PPIB: variants seen among roughly 807,000 people sequenced by gnomAD.
PPIB encodes the protein peptidylprolyl isomerase B.
PPIB carries 15 observed loss-of-function variants against 20.1 expected under a neutral mutation model. That is an observed-to-expected ratio of 0.75 (90% CI 0.50 to 1.15). The LOEUF (loss-of-function observed/expected upper bound fraction) is 1.15. PPIB is among the 50% of genes most tolerant of loss of function. The pLI, the probability that PPIB is intolerant of heterozygous loss-of-function variation, is 0.00. For missense variants in PPIB, 278 were observed against 283.0 expected (o/e 0.98, Z 0.13); for synonymous variants, 129 against 111.0 (o/e 1.16, Z -1.02).
In PPIB at chr15:64,161,855, C is replaced by T. The variant is rs2081565288; in HGVS notation, c.249+186G>A. 6.6e-6 allele frequency among the ~76,000 whole-genome samples: 1 copy of T among 152,178 alleles called. No homozygotes were observed. The highest frequency in any genetic ancestry group is 6.5e-5 in the Admixed American group (1 of 15,278). On this transcript the variant is annotated intron_variant, in intron 2 of 4. Transcript: ENST00000300026. The surrounding 1 kb of genome is among the most constrained non-coding windows in gnomAD (Gnocchi z 4.2). ...AAGTGCTGGGATTTTAAGTGTGAGC[C>T]ACTGTGCCTGGTCAGGGCCCCATTA...
rs1206742711 is a variant in PPIB, at chr15:64,159,808, C to T, written c.343+296G>A. On this transcript the variant is annotated intron_variant, in intron 3 of 4. Transcript: ENST00000300026. This position sits in a 1 kb window ranked among gnomAD's most constrained non-coding sequence, Gnocchi z 5.1. Reference sequence around the variant, plus strand: ...GCTTCCACACGCCTCTCTCCCCAATCCCCATTCTGAAGAGGTATCAGGAAA... The same window carrying T: ...GCTTCCACACGCCTCTCTCCCCAATTCCCATTCTGAAGAGGTATCAGGAAA... 1.9e-6 allele frequency: 1 copy of T among 514,918 alleles called. No homozygotes were observed. The highest frequency in any genetic ancestry group is 3.6e-5 in the East Asian group (1 of 27,856). 31.9% of individuals were successfully genotyped at this position (514,918 alleles called of 1,614,324 possible). A position where few individuals can be genotyped will look rare whatever the true frequency, so the allele number is the denominator to read the frequency against.
intron 1 of PPIB, 84 bp from the exon 2 acceptor site, chr15:64,162,238 T>C (rs1278111516): frequency 2.1e-6 from 2 of 961,714 alleles, no homozygotes; most frequent in Non-Finnish European, 3.4e-6. Context: ...AACCTGAGGA[T>C]GGGAGAGAGA....
intron 1 of PPIB, 100 bp downstream of exon 1, chr15:64,162,752 C>A: frequency 1.3e-6 from 2 of 1,539,488 alleles, no homozygotes; most frequent in Non-Finnish European, 1.8e-6. Context: ...CGCCACGAGG[C>A]CACAGACAGA....
rs867931437 is a variant in PPIB, at chr15:64,159,048, C to G, written c.343+1056G>C. Among the ~76,000 whole-genome samples the G allele has an allele frequency of 6.6e-6, 1 of 152,204 alleles. No individual in the cohort carries two copies. The highest frequency in any genetic ancestry group is 2.4e-5 in the African/African-American group (1 of 41,454). ...AACAAGAAGGTGGCAGACACTGGAT[C>G]GAGCCCAACTGCGTCTGACTCCACA... On this transcript the variant is annotated intron_variant, in intron 3 of 4. Coordinates refer to ENST00000300026, the MANE Select transcript of PPIB (RefSeq NM_000942.5). The surrounding 1 kb of genome is among the most constrained non-coding windows in gnomAD (Gnocchi z 5.1).
chr15:64,159,825 A>G lies in PPIB; in HGVS notation c.343+279T>C, dbSNP rs2081555635. 1.9e-6 allele frequency: 1 copy of G among 539,628 alleles called. No individual in the cohort carries two copies. The highest frequency in any genetic ancestry group is 3.1e-5 in the Admixed American group (1 of 32,086). 33.4% of individuals were successfully genotyped at this position (539,628 alleles called of 1,614,324 possible). On this transcript the variant is annotated intron_variant, in intron 3 of 4. Coordinates refer to ENST00000300026, the MANE Select transcript of PPIB (RefSeq NM_000942.5). The surrounding 1 kb of genome is among the most constrained non-coding windows in gnomAD (Gnocchi z 5.1). Reference sequence around the variant, plus strand: ...TCCCCAATCCCCATTCTGAAGAGGTATCAGGAAAGGTCACCAGGCTATAGG... The same window carrying G: ...TCCCCAATCCCCATTCTGAAGAGGTGTCAGGAAAGGTCACCAGGCTATAGG...
Position 64,156,384 on chromosome 15 carries a change from G to A in PPIB, c.529-239C>T. ...AGACCCAGGTTGGGCCAAGGGTGAG[G>A]AGGAGGAAGAGGGTGACCAGGGCAT... On this transcript the variant is annotated intron_variant, in intron 4 of 4. Coordinates refer to ENST00000300026, the MANE Select transcript of PPIB (RefSeq NM_000942.5). This position sits in a 1 kb window ranked among gnomAD's most constrained non-coding sequence, Gnocchi z 6.4. 1.6e-6 allele frequency: 1 copy of A among 644,750 alleles called. No individual in the cohort carries two copies. Among genetic ancestry groups the A allele is most frequent in the Non-Finnish European group, 2.7e-6 (1 of 364,104 alleles). 39.9% of individuals were successfully genotyped at this position (644,750 alleles called of 1,614,324 possible).
In PPIB at chr15:64,155,853, G is replaced by A; in HGVS notation, c.*170C>T. The A allele has an allele frequency of 1.1e-6, 1 of 933,558 alleles. No homozygotes were observed. Among genetic ancestry groups the A allele is most frequent in the South Asian group, 1.5e-5 (1 of 68,720 alleles). 57.8% of individuals were successfully genotyped at this position (933,558 alleles called of 1,614,324 possible). Reference sequence around the variant, plus strand: ...AAAAAACCCACATTTTTTTTTATTGGTCAGTGTTGGTAGGAGTTTGTTACA... The same window carrying A: ...AAAAAACCCACATTTTTTTTTATTGATCAGTGTTGGTAGGAGTTTGTTACA... On this transcript the variant is annotated 3_prime_UTR_variant, in exon 5 of 5. Transcript: ENST00000300026.
Position 64,157,058 on chromosome 15 carries a change from T to G in PPIB, c.344-149A>C, listed in dbSNP as rs1263229835. ...GGACATAAAAGCAGCGTCCTTCCTA[T>G]CTTCTGGCCTCAGAGCCAAGCCATG... On this transcript the variant is annotated intron_variant, in intron 3 of 4. Transcript: ENST00000300026. The surrounding 1 kb of genome is among the most constrained non-coding windows in gnomAD (Gnocchi z 4.2). The G allele has an allele frequency of 3.6e-6, 3 of 844,464 alleles. No homozygotes were observed. The highest frequency in any genetic ancestry group is 5.4e-6 in the Non-Finnish European group (3 of 552,848). The allele number at this position is 844,464 out of a possible 1,614,324, so 52.3% of individuals were successfully genotyped here.
In PPIB at chr15:64,163,012, G is replaced by A; in HGVS notation, c.-26C>T. The stretch of plus-strand genomic sequence containing the variant: ...CCACAGGCGGAGGCGAAAGCAGCCC[G>A]GACAGCTGAGGCCGGAAGAGGGTGG... On this transcript the variant is annotated 5_prime_UTR_variant, in exon 1 of 5. Coordinates refer to ENST00000300026, the MANE Select transcript of PPIB (RefSeq NM_000942.5). 6.2e-7 allele frequency: 1 copy of A among 1,610,098 alleles called. No individual in the cohort carries two copies. Among genetic ancestry groups the A allele is most frequent in the Non-Finnish European group, 8.5e-7 (1 of 1,178,856 alleles).
chr15:64,162,907 A>G lies in PPIB; in HGVS notation c.80T>C (p.Leu27Pro). 1.2e-6 allele frequency: 2 copies of G among 1,613,438 alleles called. No homozygotes were observed. Among genetic ancestry groups the G allele is most frequent in the East Asian group, 2.2e-5 (1 of 44,868 alleles). ...CTCATCGGCCGCAGAAGGTCCCGGC[A>G]GCAGCAGGAAGAAGACGGACCCCGC... is the stretch of plus-strand genomic sequence containing the variant. Reference protein sequence around the residue: ...LIAGSVFFLLLPGPSAADEKK... With the variant: ...LIAGSVFFLLPPGPSAADEKK... The change falls in exon 1 of 5, where the codon CTG (leucine) becomes CCG (proline). Residue 27 changes from leucine (L) to proline (P), a missense_variant. Leu to Pro is a moderately conservative substitution (Grantham distance 98). Transcript: ENST00000300026.
Position 64,162,849 on chromosome 15 carries a change from G to A in PPIB, c.135+3C>T. The A allele has an allele frequency of 6.2e-7, 1 of 1,610,462 alleles. No individual in the cohort carries two copies. Among genetic ancestry groups the A allele is most frequent in the South Asian group, 1.1e-5 (1 of 90,292 alleles). On this transcript the variant is annotated splice_donor_region_variant and intron_variant, in intron 1 of 4. Transcript: ENST00000300026. ...ACCGTAAATGCCGCGGACTCCACCG[G>A]ACCTTGACGGTGACTTTGGGCCCCT... is the stretch of plus-strand genomic sequence containing the variant.
rs1029606370 is a variant in PPIB, at chr15:64,162,210, G to T, written c.136-56C>A. 13 of 1,318,402 alleles carry T rather than the reference G, an allele frequency of 9.9e-6. No individual in the cohort carries two copies. The East Asian group carries it at 2.8e-4, about 28-fold the overall frequency. 81.7% of individuals were successfully genotyped at this position (1,318,402 alleles called of 1,614,324 possible). On this transcript the variant is annotated intron_variant, in intron 1 of 4. Transcript: ENST00000300026. ...TCTTTAAAGGGGCGTTGCTAGGGGA[G>T]GGAAGGTACAAGAAGCTAACCTGAG...
chr15:64,162,338 T>C (rs541458558), intron 1 of PPIB, among the ~76,000 whole-genome samples, 184 bp from the exon 2 acceptor site: 1 of 152,268 alleles, frequency 6.6e-6, no homozygotes, highest in East Asian at 1.9e-4. Context: ...TCCAGACCCT[T>C]TTCTTGGAAA....
chr15:64,160,288 CCTG>C lies in PPIB; in HGVS notation c.250-94_250-92del. The C allele has an allele frequency of 1.9e-6, 2 of 1,049,092 alleles. No individual in the cohort carries two copies. The highest frequency in any genetic ancestry group is 3.7e-5 in the Admixed American group (2 of 54,300). 65.0% of individuals were successfully genotyped at this position (1,049,092 alleles called of 1,614,324 possible). On this transcript the variant is annotated intron_variant, in intron 2 of 4. Transcript: ENST00000300026. This position sits in a 1 kb window ranked among gnomAD's most constrained non-coding sequence, Gnocchi z 4.8. ...GCCTCACAGGAACAAGTCCACAACT[CCTG>C]CTCGCAGAAGAGACACCACTGCTGA...
At position 64,156,991 on chromosome 15, in the gene PPIB, T is replaced by A; in HGVS notation, c.344-82A>T. 2 of 1,412,386 alleles carry A rather than the reference T, an allele frequency of 1.4e-6. No individual in the cohort carries two copies. The highest frequency in any genetic ancestry group is 2.0e-6 in the Non-Finnish European group (2 of 1,014,260). 87.5% of individuals were successfully genotyped at this position (1,412,386 alleles called of 1,614,324 possible). A position where few individuals can be genotyped will look rare whatever the true frequency, so the allele number is the denominator to read the frequency against. On this transcript the variant is annotated intron_variant, in intron 3 of 4. Transcript: ENST00000300026. This position sits in a 1 kb window ranked among gnomAD's most constrained non-coding sequence, Gnocchi z 6.4. ...ATTCGGGGCCAGGACTGAGGGGGCT[T>A]AACCTGTCCTCTGTGCCAGGCTAGG...
chr15:64,156,984 G>A lies in PPIB; in HGVS notation c.344-75C>T, dbSNP rs1004206724. On this transcript the variant is annotated intron_variant, in intron 3 of 4. Transcript: ENST00000300026. This position sits in a 1 kb window ranked among gnomAD's most constrained non-coding sequence, Gnocchi z 6.4. The stretch of plus-strand genomic sequence containing the variant: ...AGCAGACATTCGGGGCCAGGACTGA[G>A]GGGGCTTAACCTGTCCTCTGTGCCA... 3 of 1,496,458 alleles carry A rather than the reference G, an allele frequency of 2.0e-6. No individual in the cohort carries two copies. The highest frequency in any genetic ancestry group is 2.8e-6 in the Non-Finnish European group (3 of 1,084,334). 92.7% of individuals were successfully genotyped at this position (1,496,458 alleles called of 1,614,324 possible).
rs2081555532 is a variant in PPIB, at chr15:64,159,797, C to T, written c.343+307G>A. Reference sequence around the variant, plus strand: ...GTCTTCACTTTGCTTCCACACGCCTCTCTCCCCAATCCCCATTCTGAAGAG... The same window carrying T: ...GTCTTCACTTTGCTTCCACACGCCTTTCTCCCCAATCCCCATTCTGAAGAG... On this transcript the variant is annotated intron_variant, in intron 3 of 4. Coordinates refer to ENST00000300026, the MANE Select transcript of PPIB (RefSeq NM_000942.5). The surrounding 1 kb of genome is among the most constrained non-coding windows in gnomAD (Gnocchi z 5.1). The T allele has an allele frequency of 1.0e-5, 5 of 489,898 alleles. No individual in the cohort carries two copies. In the Admixed American group the frequency reaches 1.6e-4, roughly 16 times the overall value. The allele number at this position is 489,898 out of a possible 1,614,324, so 30.3% of individuals were successfully genotyped here.
Position 64,157,099 on chromosome 15 carries a change from T to TGG in PPIB, c.344-192_344-191dup. ...CCAAGCCATGCTGACTGAGGCCAAG[T>TGG]GGGGCATCAGGCCAGGCTGATGTGG... On this transcript the variant is annotated intron_variant, in intron 3 of 4. Transcript: ENST00000300026. The surrounding 1 kb of genome is among the most constrained non-coding windows in gnomAD (Gnocchi z 4.2). 1 of 624,712 alleles carries TGG rather than the reference T, an allele frequency of 1.6e-6. No individual in the cohort carries two copies. Among genetic ancestry groups the TGG allele is most frequent in the Non-Finnish European group, 2.8e-6 (1 of 358,444 alleles). 38.7% of individuals were successfully genotyped at this position (624,712 alleles called of 1,614,324 possible).
In PPIB at chr15:64,156,768, A is replaced by T; in HGVS notation, c.485T>A (p.Leu162Gln). The T allele has an allele frequency of 6.2e-7, 1 of 1,614,222 alleles. No individual in the cohort carries two copies. ...FFITTVKTAW[L>Q]DGKHVVFGKV... ...GCCAAACACCACATGCTTGCCATCT[A>T]GCCAGGCTGTCTTGACTGTCGTGAT... Residue 162 changes from leucine to glutamine, a missense_variant, in exon 4 of 5, where the codon CTA (leucine) becomes CAA (glutamine). Leu to Gln is a moderately radical substitution (Grantham distance 113). Coordinates refer to ENST00000300026, the MANE Select transcript of PPIB (RefSeq NM_000942.5). This position sits in a 1 kb window ranked among gnomAD's most constrained non-coding sequence, Gnocchi z 6.4.
Sources: allele counts gnomAD v4.1 joint callset (sites outside exome capture counted in the v4.1 genomes callset), GRCh38; gene constraint gnomAD v4.1.1; non-coding constraint Gnocchi (gnomAD v3.1); transcripts MANE v1.5; gene names NCBI Gene and HGNC (gene_info 2026-07-23, HGNC 2026-07-21).